Variants in TTLL6 observed in about 807,000 individuals in gnomAD.
TTLL6 encodes the protein tubulin polyglutamylase TTLL6.
TTLL6 carries 75 observed loss-of-function variants against 96.4 expected under a neutral mutation model. The ratio of observed to expected loss-of-function variants is 0.78; its 90% CI spans 0.65 to 0.94. TTLL6 has a LOEUF of 0.94. Among genes scored for constraint, TTLL6 ranks in the 40% least tolerant of loss-of-function variants. TTLL6 has a pLI of 0.00. For missense variants in TTLL6, 1,030 were observed against 1,093.0 expected, an observed-to-expected ratio of 0.94 and a Z score of 0.81; for synonymous variants, 411 against 419.4, an observed-to-expected ratio of 0.98 and a Z score of 0.24.
chr17:48,792,195 C>T (rs983006547), intron 8 of TTLL6, among the ~76,000 whole-genome samples: 1 of 152,170 alleles, frequency 6.6e-6, no homozygotes, highest in Non-Finnish European at 1.5e-5. Flanking sequence ...TCCAGGAAAC[C>T]CCTCAGTCGT....
At chr17:48,772,168 A>G (rs1396416963) in intron 13 of TTLL6, among the ~76,000 whole-genome samples, 2 of 151,744 alleles carry the variant, frequency 1.3e-5, no homozygotes, top group African/African-American at 4.8e-5. Context: ...TATAATCCAC[A>G]CTCGAGAGAA....
chr17:48,791,494 T>C lies in TTLL6; in HGVS notation c.1108A>G (p.Ile370Val), dbSNP rs1169568714. ...CAGGTGTGGTAGTTATGCCTGATGA[T>C]GGGGTGGGCCGAGATGAGGGTCTTG... Reference protein sequence around the residue: ...IIKTLISAHPIIRHNYHTCFP... With the variant: ...IIKTLISAHPVIRHNYHTCFP... Residue 370 changes from isoleucine (I) to valine (V), a missense_variant, in exon 9 of 16, where the codon ATC becomes GTC. Transcript: ENST00000393382. The C allele has an allele frequency of 1.9e-6, 3 of 1,614,034 alleles. No homozygotes were observed. Among genetic ancestry groups the C allele is most frequent in the African/African-American group, 2.7e-5 (2 of 74,916 alleles).
chr17:48,769,502 A>C (rs2038687632), intron 14 of TTLL6, among the ~76,000 whole-genome samples: 2 of 152,254 alleles, frequency 1.3e-5, no homozygotes, highest in African/African-American at 4.8e-5. Flanking sequence ...GAAGTGGTGA[A>C]GAAGGGAACT....
chr17:48,815,207 TCTGACCTTCATCA>T (rs1180797749), intron 1 of TTLL6: 1 of 152,224 alleles, frequency 6.6e-6, no homozygotes, highest in Non-Finnish European at 1.5e-5. Context: ...TTTTTTCATC[TCTGACCTTCATCA>T]CCTGGACTTT....
chr17:48,781,221 AT>A (rs549354303), intron 13 of TTLL6, among the ~76,000 whole-genome samples: 2 of 151,706 alleles, frequency 1.3e-5, no homozygotes, highest in South Asian at 4.1e-4. Context: ...TAATTTTTGT[AT>A]TTTTAGTAGA....
chr17:48,765,288 T>C (rs2038578913), intron 15 of TTLL6, among the ~76,000 whole-genome samples: 1 of 152,088 alleles, frequency 6.6e-6, no homozygotes, highest in African/African-American at 2.4e-5. Context: ...GATGTGCACC[T>C]GTAGTCCTAG....
Position 48,791,621 on chromosome 17 carries a change from G to A in TTLL6, c.999-18C>T. 1 of 1,592,280 alleles carries A rather than the reference G, an allele frequency of 6.3e-7. No individual in the cohort carries two copies. The highest frequency in any genetic ancestry group is 8.6e-7 in the Non-Finnish European group (1 of 1,164,528). ...AGAGCTTCCTGGAAGGGAACCACAG[G>A]CCAGGAGGCAGTGTAGCTGGCTTCT... On this transcript the variant is annotated intron_variant, in intron 8 of 15. Coordinates refer to ENST00000393382, the MANE Select transcript of TTLL6 (RefSeq NM_001130918.3).
intron 1 of TTLL6, among the ~76,000 whole-genome samples, chr17:48,805,329 C>T (rs2039490601): frequency 6.6e-6 from 1 of 152,172 alleles, no homozygotes; most frequent in South Asian, 2.1e-4. Context: ...AAGCCCCAAG[C>T]CTTCCTAGCT....
chr17:48,766,756 CA>C (rs1052020961), intron 15 of TTLL6, among the ~76,000 whole-genome samples: 11 of 152,174 alleles, frequency 7.2e-5, no homozygotes, highest in African/African-American at 2.7e-4. Flanking sequence ...CCCAGCTACT[CA>C]AGAGGCTGAG....
chr17:48,764,349 G>C (rs1051552884), intron 15 of TTLL6, among the ~76,000 whole-genome samples: 6 of 152,198 alleles, frequency 3.9e-5, no homozygotes, highest in African/African-American at 7.2e-5. Context: ...TTCATGGCCA[G>C]ATGGTAGAGA....
At chr17:48,810,821 G>A (rs2039573030) in intron 1 of TTLL6, among the ~76,000 whole-genome samples, 1 of 51,676 alleles carries the variant, frequency 1.9e-5, no homozygotes, top group African/African-American at 9.4e-5. Context: ...TATAGTATGT[G>A]TGTGTATATA....
intron 13 of TTLL6, 146 bp from the exon 14 acceptor site, chr17:48,770,243 C>T (rs2038712129): frequency 6.1e-6 from 7 of 1,144,712 alleles, no homozygotes; most frequent in Non-Finnish European, 7.1e-6. Context: ...ATGCTCCTGC[C>T]TCAGCCTCCT....
intron 13 of TTLL6, among the ~76,000 whole-genome samples, chr17:48,778,716 G>A (rs908402673): frequency 6.6e-6 from 1 of 151,870 alleles, no homozygotes; most frequent in African/African-American, 2.4e-5. Flanking sequence ...CTGATCATGA[G>A]GTCAGGAGTT....
At chr17:48,785,945 G>C (rs116780871) in intron 12 of TTLL6, among the ~76,000 whole-genome samples, 110 of 152,310 alleles carry the variant, frequency 7.2e-4, no homozygotes, top group African/African-American at 2.4e-3. Context: ...AGGACAGACC[G>C]GTGAGAGTCC....
intron 13 of TTLL6, among the ~76,000 whole-genome samples, chr17:48,780,376 G>A (rs2038963437): frequency 6.6e-6 from 1 of 152,082 alleles, no homozygotes; most frequent in African/African-American, 2.4e-5. Context: ...CTTTAAATGG[G>A]AAAACTGAGG....
At chr17:48,799,517 C>T in intron 6 of TTLL6, 87 bp downstream of exon 6, 8 of 1,373,654 alleles carry the variant, frequency 5.8e-6, no homozygotes, top group Non-Finnish European at 8.0e-6. Context: ...CCTTCACCCT[C>T]CATCCCCTCA....
Position 48,785,013 on chromosome 17 carries a change from G to C in TTLL6, c.1950C>G (p.Leu650=), listed in dbSNP as rs2039060130. ...TACTGGGCTCCAACTTCGAGCTGCT[G>C]AGATTGATATTCCTCAGATCGGGTA... ...SSLPDLRNIN[L]SSSKLEPSKP... Residue 650 remains leucine (L), a synonymous_variant, in exon 13 of 16, where the codon CTC becomes CTG. Transcript: ENST00000393382. The C allele has an allele frequency of 6.2e-7, 1 of 1,614,218 alleles. No homozygotes were observed. The highest frequency in any genetic ancestry group is 8.5e-7 in the Non-Finnish European group (1 of 1,180,034).
At chr17:48,786,443 C>T (rs1404092101) in intron 11 of TTLL6, 108 bp from the exon 12 acceptor site, 8 of 1,273,718 alleles carry the variant, frequency 6.3e-6, no homozygotes, top group Non-Finnish European at 9.0e-6. Flanking sequence ...GCAAGTTCCA[C>T]ATTCCCTCCT....
At chr17:48,773,455 C>T (rs2038791761) in intron 13 of TTLL6, among the ~76,000 whole-genome samples, 1 of 152,228 alleles carries the variant, frequency 6.6e-6, no homozygotes, top group South Asian at 2.1e-4. Context: ...ACATTACAGG[C>T]TCATGCCTAT....
Sources: gnomAD v4.1 joint callset for allele counts (sites outside exome capture counted in the v4.1 genomes callset) on GRCh38, gnomAD v4.1.1 for gene constraint, MANE v1.5 for transcripts, NCBI Gene and HGNC (gene_info 2026-07-23, HGNC 2026-07-21) for gene names.